Variants in QPRT observed in about 807,000 individuals in gnomAD.
QPRT encodes quinolinate phosphoribosyltransferase, also known as nicotinate-nucleotide pyrophosphorylase [carboxylating].
A neutral mutation model predicts 19.8 loss-of-function variants in QPRT; 17 were observed. That is an observed-to-expected ratio of 0.86 (90% CI 0.59 to 1.29). QPRT has a LOEUF of 1.29. Among genes scored for constraint, QPRT ranks in the 50% most tolerant of loss-of-function variants. The probability of loss-of-function intolerance (pLI) is 0.00; values close to 1 mark genes in which losing one functional copy is unlikely to be tolerated. For synonymous variants in QPRT, 178 were observed against 191.0 expected (o/e 0.93, Z 0.56); for missense variants, 336 against 405.1 (o/e 0.83, Z 1.46).
chr16:29,683,966 C>G (rs1339279898), intron 1 of QPRT, among the ~76,000 whole-genome samples: 1 of 152,204 alleles, frequency 6.6e-6, no homozygotes, highest in Non-Finnish European at 1.5e-5. Context: ...AAAAACCGCT[C>G]TGGCACAGGC....
chr16:29,680,050 C>T (rs1227822801), intron 1 of QPRT, among the ~76,000 whole-genome samples: 5 of 151,512 alleles, frequency 3.3e-5, no homozygotes, highest in African/African-American at 1.2e-4. Context: ...CTCCGCCTCC[C>T]GGGTTCATGC....
intron 1 of QPRT, among the ~76,000 whole-genome samples, chr16:29,688,135 C>CTGAA (rs148477983): frequency 0.016 from 2,405 of 152,100 alleles, 30 homozygotes; most frequent in Non-Finnish European, 0.025. Context: ...CAGAACTGGG[C>CTGAA]TGAACTCTAC....
intron 1 of QPRT, among the ~76,000 whole-genome samples, chr16:29,681,383 G>A (rs541277161): frequency 9.1e-4 from 139 of 151,926 alleles, no homozygotes; most frequent in Admixed American, 1.4e-3. Context: ...GATGGGCTCT[G>A]GGGGAGTTCA....
At chr16:29,681,259 G>A (rs1966994027) in intron 1 of QPRT, among the ~76,000 whole-genome samples, 1 of 152,116 alleles carries the variant, frequency 6.6e-6, no homozygotes, top group Non-Finnish European at 1.5e-5. Context: ...TCTGGACAAT[G>A]GAGTTGGTGG....
chr16:29,697,658 T>C lies in QPRT; in HGVS notation c.*247T>C, dbSNP rs560506913. ...ACCACATGGGGTTCTGCGGTGATAA[T>C]GAGCACATAGTGAGGGGTCAGCAAA... On this transcript the variant is annotated 3_prime_UTR_variant, in exon 4 of 4. Coordinates refer to ENST00000395384, the MANE Select transcript of QPRT (RefSeq NM_014298.6). This position sits in a 1 kb window ranked among gnomAD's most constrained non-coding sequence, Gnocchi z 4.4. 5.2e-5 allele frequency: 27 copies of C among 519,234 alleles called. No homozygotes were observed. Among genetic ancestry groups the C allele is most frequent in the Middle Eastern group, 5.0e-4 (1 of 2,016 alleles). The allele number at this position is 519,234 out of a possible 1,614,324, so 32.2% of individuals were successfully genotyped here.
At chr16:29,682,540 T>G (rs546786869) in intron 1 of QPRT, among the ~76,000 whole-genome samples, 1 of 151,906 alleles carries the variant, frequency 6.6e-6, no homozygotes, top group Non-Finnish European at 1.5e-5. Context: ...GCCCAGCTAA[T>G]TTTTTTGCAT....
chr16:29,690,373 C>T (rs1967291189), intron 1 of QPRT, among the ~76,000 whole-genome samples: 1 of 152,150 alleles, frequency 6.6e-6, no homozygotes, highest in South Asian at 2.1e-4. Flanking sequence ...TGGGTATATA[C>T]CCAGTAATGG....
At chr16:29,682,719 T>C (rs970904053) in intron 1 of QPRT, among the ~76,000 whole-genome samples, 6 of 152,112 alleles carry the variant, frequency 3.9e-5, no homozygotes, top group Non-Finnish European at 5.9e-5. Flanking sequence ...ACTTTTCTTT[T>C]TACTACAACC....
chr16:29,680,017 G>A (rs911048562), intron 1 of QPRT, among the ~76,000 whole-genome samples: 14 of 151,040 alleles, frequency 9.3e-5, no homozygotes, highest in African/African-American at 3.4e-4. Flanking sequence ...GAGTGCAGTG[G>A]CGTGATCTCG....
At chr16:29,687,635 T>A (rs1004189412) in intron 1 of QPRT, among the ~76,000 whole-genome samples, 1 of 152,122 alleles carries the variant, frequency 6.6e-6, no homozygotes, top group Non-Finnish European at 1.5e-5. Context: ...TAATCCCAGC[T>A]ACTCAGGAGG....
At chr16:29,681,182 C>G (rs1332980175) in intron 1 of QPRT, among the ~76,000 whole-genome samples, 1 of 152,112 alleles carries the variant, frequency 6.6e-6, no homozygotes, top group Admixed American at 6.6e-5. Flanking sequence ...GATGTGAATC[C>G]TGACTGCCAC....
chr16:29,685,869 A>ATT (rs145861358), intron 1 of QPRT, among the ~76,000 whole-genome samples: 3 of 151,504 alleles, frequency 2.0e-5, no homozygotes, highest in African/African-American at 7.3e-5. Flanking sequence ...TGAAAAGAAA[A>ATT]TTTTTTTTGA....
intron 1 of QPRT, among the ~76,000 whole-genome samples, chr16:29,680,382 C>T (rs979760795): frequency 1.3e-5 from 2 of 152,118 alleles, no homozygotes; most frequent in Admixed American, 6.6e-5. Flanking sequence ...TGTGTAAAGC[C>T]GCAGAGCAGG....
chr16:29,688,773 T>G (rs1030989285), intron 1 of QPRT, among the ~76,000 whole-genome samples: 1 of 151,206 alleles, frequency 6.6e-6, no homozygotes, highest in African/African-American at 2.4e-5. Flanking sequence ...TTTTGTTTGT[T>G]TTTATTCTCT....
rs10680462 is a variant in QPRT, at chr16:29,681,493, C to CTTTTTTTT, written c.13+2297_13+2304dup. Reference sequence around the variant, plus strand: ...CCATAATTTTCATCAGATCCAGATTCTTTTTTTTTTTTTTTTTTTTTGAGA... The same window carrying CTTTTTTTT: ...CCATAATTTTCATCAGATCCAGATTCTTTTTTTTTTTTTTTTTTTTTTTTTTTTTGAGA... On this transcript the variant is annotated intron_variant, in intron 1 of 3. Transcript: ENST00000395384. 8.8e-4 allele frequency among the ~76,000 whole-genome samples: 85 copies of CTTTTTTTT among 97,132 alleles called. 6 individuals carry two copies. The highest frequency in any genetic ancestry group is 2.9e-3 in the African/African-American group (69 of 23,954). The allele number at this position is 97,132 out of a possible 152,430, so 63.7% of individuals were successfully genotyped here. A position where few individuals can be genotyped will look rare whatever the true frequency, so the allele number is the denominator to read the frequency against.
intron 2 of QPRT, chr16:29,695,773 G>T (rs1027931529): frequency 8.0e-5 from 12 of 149,914 alleles, no homozygotes; most frequent in African/African-American, 2.8e-4. Context: ...TTACAGGAGT[G>T]AGCCACTGCA....
rs765773484 is a variant in QPRT, at chr16:29,694,975, G to C, written c.325G>C (p.Ala109Pro). ...LGERVALNTL[A>P]RCSGIASAAA... is the part of the protein sequence containing the mutation. ...GGAACGGGTGGCCCTCAACACGCTG[G>C]CCCGCTGCAGTGGCATTGCCAGTGC... The change falls in exon 2 of 4, where the codon GCC becomes CCC. Residue 109 changes from alanine (A) to proline (P), a missense_variant. Ala to Pro is a conservative substitution (Grantham distance 27). Transcript: ENST00000395384. 1 of 1,607,838 alleles carries C rather than the reference G, an allele frequency of 6.2e-7. No individual in the cohort carries two copies. Among genetic ancestry groups the C allele is most frequent in the Admixed American group, 1.7e-5 (1 of 59,944 alleles).
chr16:29,695,324 C>A (rs1296034304), intron 2 of QPRT, 125 bp downstream of exon 2: 17 of 1,094,492 alleles, frequency 1.6e-5, no homozygotes, highest in Non-Finnish European at 2.2e-5. Context: ...CAACACAAGA[C>A]TCTTCCCACC....
At chr16:29,685,964 G>A (rs1053341634) in intron 1 of QPRT, among the ~76,000 whole-genome samples, 6 of 152,168 alleles carry the variant, frequency 3.9e-5, no homozygotes, top group Admixed American at 3.3e-4. Flanking sequence ...GGGTTCAACC[G>A]ATTCTCCTGC....
Sources: allele counts gnomAD v4.1 joint callset (sites outside exome capture counted in the v4.1 genomes callset), GRCh38; gene constraint gnomAD v4.1.1; non-coding constraint Gnocchi (gnomAD v3.1); transcripts MANE v1.5; gene names NCBI Gene and HGNC (gene_info 2026-07-23, HGNC 2026-07-21).